RIN2: variants seen among roughly 807,000 people sequenced by gnomAD.
RIN2 encodes Ras and Rab interactor 2, also known as RAB5 interacting protein 2.
RIN2 carries 36 observed loss-of-function variants against 78.0 expected under a neutral mutation model. The observed-to-expected ratio is 0.46, with a 90% CI of 0.35 to 0.61. The LOEUF (loss-of-function observed/expected upper bound fraction) is 0.61, where lower values mean the gene tolerates loss of function less well. RIN2 is among the 20% of genes least tolerant of loss of function. The pLI is 0.00. For missense variants in RIN2, 1,087 were observed against 1,159.7 expected (o/e 0.94, Z 0.91); for synonymous variants, 466 against 466.8 (o/e 1.00, Z 0.02).
chr20:19,967,630 AC>A (rs2041979953), intron 7 of RIN2, among the ~76,000 whole-genome samples: 1 of 152,050 alleles, frequency 6.6e-6, no homozygotes, highest in African/African-American at 2.4e-5. Flanking sequence ...GCACACCTTC[AC>A]CCCCAATGCC....
At chr20:19,842,033 A>G (rs951577031) in intron 2 of RIN2, among the ~76,000 whole-genome samples, 9 of 152,230 alleles carry the variant, frequency 5.9e-5, no homozygotes, top group African/African-American at 1.9e-4. Context: ...ATCAAAGAAC[A>G]GGCTGACTCT....
rs1207913005 is a variant in RIN2, at chr20:19,975,965, T to G, written c.1762+178T>G. Reference sequence around the variant, plus strand: ...TCAAAGTAGCTGCTGACTGCCAGACTCAAAAATGTCTTCGGGAGTGACAGA... The same window carrying G: ...TCAAAGTAGCTGCTGACTGCCAGACGCAAAAATGTCTTCGGGAGTGACAGA... On this transcript the variant is annotated intron_variant, in intron 9 of 12. Transcript: ENST00000255006. This position sits in a 1 kb window ranked among gnomAD's most constrained non-coding sequence, Gnocchi z 4.9. Among the ~76,000 whole-genome samples, 2 of 152,172 alleles carry G rather than the reference T, an allele frequency of 1.3e-5. No individual in the cohort carries two copies. The highest frequency in any genetic ancestry group is 2.9e-5 in the Non-Finnish European group (2 of 68,034).
At chr20:19,758,121 G>A (rs1431867938), upstream of RIN2, 1 of 152,474 alleles carries the variant, frequency 6.6e-6, no homozygotes, top group Non-Finnish European at 1.5e-5. Context: ...CCCTACTGCC[G>A]AGGGACGGCC....
At chr20:19,789,591 A>G (rs540567170) in intron 1 of RIN2, among the ~76,000 whole-genome samples, 1 of 152,104 alleles carries the variant, frequency 6.6e-6, no homozygotes, top group South Asian at 2.1e-4. Context: ...CATTTTACCT[A>G]TTTGTAGCTT....
intron 3 of RIN2, among the ~76,000 whole-genome samples, chr20:19,932,338 A>G (rs1010461465): frequency 1.3e-5 from 2 of 152,178 alleles, no homozygotes; most frequent in Non-Finnish European, 2.9e-5. Flanking sequence ...CAGAACCATG[A>G]GCCAAATAAA....
chr20:19,805,322 C>A (rs559338229), intron 2 of RIN2, among the ~76,000 whole-genome samples: 3 of 152,190 alleles, frequency 2.0e-5, no homozygotes, highest in African/African-American at 7.2e-5. Context: ...ACCATCACTG[C>A]GACAGACTGT....
chr20:19,861,533 ATATCTGATCACCCTCCT>A (rs2037334496), intron 2 of RIN2, among the ~76,000 whole-genome samples: 1 of 151,698 alleles, frequency 6.6e-6, no homozygotes, highest in Non-Finnish European at 1.5e-5. Context: ...ATCACCCTCC[ATATCTGATCACCCTCCT>A]TATCTGATCA....
chr20:19,844,894 C>T (rs938404994), intron 2 of RIN2, among the ~76,000 whole-genome samples: 2 of 151,944 alleles, frequency 1.3e-5, no homozygotes, highest in African/African-American at 4.8e-5. Flanking sequence ...GTCCCCCACC[C>T]CCCAACAGGC....
intron 2 of RIN2, among the ~76,000 whole-genome samples, chr20:19,828,880 G>C (rs6075577): frequency 6.6e-6 from 1 of 151,876 alleles, no homozygotes; most frequent in African/African-American, 2.4e-5. Flanking sequence ...AACCGGCTAC[G>C]TCGTCTGAGG....
At chr20:19,794,803 C>T (rs763533653) in intron 1 of RIN2, among the ~76,000 whole-genome samples, 35 of 152,090 alleles carry the variant, frequency 2.3e-4, no homozygotes, top group Non-Finnish European at 4.3e-4. Flanking sequence ...TTTCTCACAA[C>T]GCCTCGCACC....
chr20:19,873,032 C>T, intron 2 of RIN2, among the ~76,000 whole-genome samples: 1 of 152,008 alleles, frequency 6.6e-6, no homozygotes, highest in Admixed American at 6.5e-5. Context: ...TAAAATGTCA[C>T]AACTGATTTA....
chr20:19,797,333 C>A (rs185725991), intron 1 of RIN2, among the ~76,000 whole-genome samples: 1 of 152,184 alleles, frequency 6.6e-6, no homozygotes, highest in Admixed American at 6.5e-5. Flanking sequence ...AAAACATTAT[C>A]CCTTGCATTA....
intron 9 of RIN2, among the ~76,000 whole-genome samples, chr20:19,984,832 G>A (rs370194341): frequency 2.0e-4 from 30 of 152,284 alleles, no homozygotes; most frequent in South Asian, 6.2e-4. Context: ...ACCAAAACAC[G>A]CCATTATGAA....
intron 4 of RIN2, among the ~76,000 whole-genome samples, chr20:19,946,736 G>GA (rs1232459824): frequency 1.4e-5 from 2 of 145,410 alleles, no homozygotes; most frequent in Non-Finnish European, 3.0e-5. Flanking sequence ...AAAAAAAAGG[G>GA]AAAAGCAAAT....
At position 19,833,283 on chromosome 20, in the gene RIN2, T is replaced by TTATATATATATATATATATATATATA. The variant is rs1031106258; in HGVS notation, c.-37+33549_-37+33550insATATATATATATATATATATATATAT. 1.4e-3 allele frequency among the ~76,000 whole-genome samples: 210 copies of TTATATATATATATATATATATATATA among 150,960 alleles called. 2 individuals are homozygous for TTATATATATATATATATATATATATA. Among genetic ancestry groups the TTATATATATATATATATATATATATA allele is most frequent in the East Asian group, 9.0e-3 (46 of 5,130 alleles). Reference sequence around the variant, plus strand: ...CTATATATAGATAGATAGATATAGGTTATATATATATATTTTAACTTTAAG... The same window carrying TTATATATATATATATATATATATATA: ...CTATATATAGATAGATAGATATAGGTTATATATATATATATATATATATATATATATATATATATTTTAACTTTAAG... On this transcript the variant is annotated intron_variant, in intron 2 of 12. Transcript: ENST00000255006.
At chr20:19,813,443 T>C (rs6112587) in intron 2 of RIN2, among the ~76,000 whole-genome samples, 42,837 of 152,138 alleles carry the variant, frequency 0.28, 6,161 homozygotes, top group South Asian at 0.39. Flanking sequence ...CCAGATACTA[T>C]GTGAGGCTAG....
chr20:19,966,322 G>T (rs903496119), intron 7 of RIN2, among the ~76,000 whole-genome samples: 1 of 143,562 alleles, frequency 7.0e-6, no homozygotes. Context: ...GAGGCACTAC[G>T]CACTTTTTTT....
chr20:19,903,051 C>T (rs2039054556), intron 3 of RIN2, among the ~76,000 whole-genome samples: 1 of 152,020 alleles, frequency 6.6e-6, no homozygotes, highest in East Asian at 1.9e-4. Flanking sequence ...CGAGATTGTG[C>T]CACTGTACTC....
chr20:19,931,317 ACT>A (rs2040430021), intron 3 of RIN2, among the ~76,000 whole-genome samples: 1 of 149,838 alleles, frequency 6.7e-6, no homozygotes, highest in Non-Finnish European at 1.5e-5. Context: ...TTTTAAAAAA[ACT>A]TTTTATAGAG....
Sources: gnomAD v4.1 joint callset for allele counts (sites outside exome capture counted in the v4.1 genomes callset) on GRCh38, gnomAD v4.1.1 for gene constraint, Gnocchi (gnomAD v3.1) non-coding constraint, MANE v1.5 for transcripts, NCBI Gene and HGNC (gene_info 2026-07-23, HGNC 2026-07-21) for gene names.